The following MTR variants were observed in gnomAD, a reference collection of about 807,000 sequenced individuals.
MTR encodes the protein methionine synthase.
In MTR, 84 loss-of-function variants were observed where a neutral mutation model predicts 154.8. That is an observed-to-expected ratio of 0.54 (90% CI 0.45 to 0.65). MTR has a LOEUF of 0.65. Ranked by LOEUF, MTR falls within the 30% of genes least tolerant of loss-of-function variation. The pLI is 0.00. For synonymous variants in MTR, 554 were observed against 553.9 expected (o/e 1.00, Z 0.00); for missense variants, 1,275 against 1,570.2 (o/e 0.81, Z 3.18).
At chr1:236,835,976 T>G (rs1274902839) in intron 14 of MTR, among the ~76,000 whole-genome samples, 3 of 152,182 alleles carry the variant, frequency 2.0e-5, no homozygotes. Flanking sequence ...ACAACCCACT[T>G]TCCATGTATG....
In MTR at chr1:236,795,782, C is replaced by T. The variant is rs10399834; in HGVS notation, c.34+45C>T. 6,828 of 1,613,770 alleles carry T rather than the reference C, an allele frequency of 4.2e-3. 208 individuals are homozygous for T. The African/African-American group carries it at 0.071, about 17-fold the overall frequency. ...TGCGTGGTTGGGTTGTGTTTCTTAA[C>T]TCGTGCTGTGGCCTCCTAATCCCTG... On this transcript the variant is annotated intron_variant, in intron 1 of 32. Coordinates refer to ENST00000366577, the MANE Select transcript of MTR (RefSeq NM_000254.3).
chr1:236,825,823 A>G (rs1288559950), intron 10 of MTR, among the ~76,000 whole-genome samples: 1 of 152,226 alleles, frequency 6.6e-6, no homozygotes, highest in Admixed American at 6.5e-5. Flanking sequence ...TCATGAGACC[A>G]TACTATCCAC....
intron 23 of MTR, among the ~76,000 whole-genome samples, chr1:236,874,155 A>G (rs934639250): frequency 6.6e-6 from 1 of 152,204 alleles, no homozygotes; most frequent in Non-Finnish European, 1.5e-5. Context: ...TGAGCTAAAT[A>G]TACCTTTATT....
At chr1:236,863,417 A>G in intron 21 of MTR, 37 bp from the exon 22 acceptor site, 1 of 1,576,040 alleles carries the variant, frequency 6.3e-7, no homozygotes, top group South Asian at 1.1e-5. Flanking sequence ...CACCCTAAAC[A>G]ACCCTGCCTT....
intron 1 of MTR, chr1:236,800,016 T>C (rs1660621103): frequency 1.0e-6 from 1 of 978,148 alleles, no homozygotes; most frequent in Non-Finnish European, 1.2e-6. Context: ...TTGTGGTAAA[T>C]AGTGAACTGT....
chr1:236,891,836 G>A (rs1296992153), intron 29 of MTR, among the ~76,000 whole-genome samples: 1 of 152,192 alleles, frequency 6.6e-6, no homozygotes, highest in African/African-American at 2.4e-5. Context: ...AGCCGTGTGA[G>A]GCAGTTTAAG....
chr1:236,878,078 G>T (rs1303319039), intron 24 of MTR, among the ~76,000 whole-genome samples: 1 of 151,954 alleles, frequency 6.6e-6, no homozygotes, highest in Non-Finnish European at 1.5e-5. Context: ...GTAGTTACAA[G>T]TCCTTTATCA....
At chr1:236,878,671 A>G (rs1056923510) in intron 24 of MTR, among the ~76,000 whole-genome samples, 3 of 152,240 alleles carry the variant, frequency 2.0e-5, no homozygotes, top group Admixed American at 1.3e-4. Context: ...ATTGGGCCAC[A>G]TTCAAAGCTG....
chr1:236,852,683 G>A, intron 17 of MTR, 46 bp downstream of exon 17: 5 of 1,536,376 alleles, frequency 3.3e-6, no homozygotes, highest in Non-Finnish European at 4.5e-6. Flanking sequence ...GTTTTTAGTT[G>A]GGGCAGGGGT....
intron 29 of MTR, among the ~76,000 whole-genome samples, chr1:236,893,592 C>T (rs1251248285): frequency 6.6e-6 from 1 of 152,160 alleles, no homozygotes; most frequent in African/African-American, 2.4e-5. Context: ...AGCAGGCATA[C>T]AGTAACCACT....
intron 3 of MTR, 111 bp downstream of exon 3, chr1:236,806,344 A>G: frequency 4.7e-6 from 4 of 855,932 alleles, no homozygotes; most frequent in East Asian, 2.5e-5. Flanking sequence ...ATGCCTAGTT[A>G]TCTGTTGTTT....
intron 4 of MTR, among the ~76,000 whole-genome samples, chr1:236,809,627 G>T (rs919490116): frequency 6.6e-6 from 1 of 152,184 alleles, no homozygotes; most frequent in African/African-American, 2.4e-5. Context: ...GGAGAGAGAA[G>T]GACATTTTTC....
At chr1:236,861,387 G>A in intron 20 of MTR, 110 bp downstream of exon 20, 3 of 1,440,632 alleles carry the variant, frequency 2.1e-6, no homozygotes, top group Non-Finnish European at 2.9e-6. Context: ...AGAGTTCAAT[G>A]GTATTGGCTA....
chr1:236,827,578 C>A (rs1662362090), intron 11 of MTR, among the ~76,000 whole-genome samples: 2 of 152,058 alleles, frequency 1.3e-5, no homozygotes. Context: ...TTATTGTGGG[C>A]AAATACAGGC....
intron 23 of MTR, 101 bp downstream of exon 23, chr1:236,873,941 G>C: frequency 8.9e-7 from 1 of 1,127,192 alleles, no homozygotes; most frequent in Non-Finnish European, 1.3e-6. Flanking sequence ...GCCCCATGAG[G>C]GTTCTGTGGG....
At chr1:236,820,101 CTA>C (rs1661838426) in intron 8 of MTR, 1 of 769,338 alleles carries the variant, frequency 1.3e-6, no homozygotes, top group Admixed American at 1.7e-5. Flanking sequence ...CCCCTCTGCG[CTA>C]TGTGGACATT....
chr1:236,882,413 C>T (rs1323737441), intron 25 of MTR, among the ~76,000 whole-genome samples: 2 of 143,214 alleles, frequency 1.4e-5, no homozygotes, highest in Admixed American at 1.4e-4. Flanking sequence ...TTTTTTGAGA[C>T]GGATTGTTGC....
intron 31 of MTR, 79 bp downstream of exon 31, chr1:236,895,629 A>C (rs754135481): frequency 6.7e-5 from 96 of 1,442,356 alleles, no homozygotes; most frequent in Non-Finnish European, 8.8e-5. Context: ...CTTAGGGTTA[A>C]ACATGTTTTT....
At position 236,889,298 on chromosome 1, in the gene MTR, A is replaced by G. The variant is rs1187400376; in HGVS notation, c.2969A>G (p.Asn990Ser). The G allele has an allele frequency of 6.2e-7, 1 of 1,614,228 alleles. No homozygotes were observed. Among genetic ancestry groups the G allele is most frequent in the Admixed American group, 1.7e-5 (1 of 60,032 alleles). ...TGGCAGCTCCGGGGCAAGTACCCGA[A>G]TCGAGGCTTTCCCAAGATATTTAAC... is the stretch of plus-strand genomic sequence containing the variant. ...DVWQLRGKYP[N>S]RGFPKIFNDK... Residue 990 changes from asparagine to serine, a missense_variant, in exon 28 of 33, where the codon AAT becomes AGT. By Grantham distance (46) the Asn-to-Ser change is conservative. Transcript: ENST00000366577.
Sources: allele counts gnomAD v4.1 joint callset (sites outside exome capture counted in the v4.1 genomes callset), GRCh38; gene constraint gnomAD v4.1.1; transcripts MANE v1.5; gene names NCBI Gene and HGNC (gene_info 2026-07-23, HGNC 2026-07-21).